DNAH6: variants seen among roughly 807,000 people sequenced by gnomAD.
DNAH6 encodes the protein dynein axonemal heavy chain 6, also known as axonemal beta dynein heavy chain 6.
Under a neutral mutation model 491.4 loss-of-function variants are expected in DNAH6, and 340 were observed. The observed-to-expected ratio is 0.69, with a 90% CI of 0.63 to 0.76. DNAH6 has a LOEUF of 0.76. DNAH6 is among the 30% of genes least tolerant of loss of function. DNAH6 has a pLI of 0.00. For synonymous variants in DNAH6, 1,603 were observed against 1,686.1 expected (o/e 0.95, Z 1.21); for missense variants, 4,443 against 4,972.2 (o/e 0.89, Z 3.20).
At chr2:84,814,992 G>A (rs995929809) in intron 75 of DNAH6, among the ~76,000 whole-genome samples, 21 of 152,228 alleles carry the variant, frequency 1.4e-4, no homozygotes, top group African/African-American at 5.1e-4. Context: ...TTGCAAACAG[G>A]CAAGACCACT....
At chr2:84,733,418 A>G (rs371071616) in intron 61 of DNAH6, 26 bp from the exon 62 acceptor site, 77 of 1,543,918 alleles carry the variant, frequency 5.0e-5, no homozygotes, top group Non-Finnish European at 6.4e-5. Context: ...TTTGTGAATT[A>G]TTATTCATTT....
At chr2:84,798,678 C>T (rs774934572) in intron 70 of DNAH6, among the ~76,000 whole-genome samples, 4 of 152,214 alleles carry the variant, frequency 2.6e-5, no homozygotes, top group Admixed American at 6.5e-5. Context: ...TGCCTGCTGG[C>T]CCCTCCCAAG....
chr2:84,709,931 C>T (rs148453048), intron 55 of DNAH6, among the ~76,000 whole-genome samples: 2 of 152,260 alleles, frequency 1.3e-5, no homozygotes, highest in Admixed American at 6.5e-5. Flanking sequence ...CTGGAATTTA[C>T]GGTTGACAGC....
the DNAH6 span, among the ~76,000 whole-genome samples, chr2:84,470,065 C>A: frequency 6.6e-6 from 1 of 152,166 alleles, no homozygotes; most frequent in Admixed American, 6.5e-5. Flanking sequence ...TATATGCACT[C>A]CACTTACCCA....
At chr2:84,561,772 C>G (rs1458346597) in intron 11 of DNAH6, among the ~76,000 whole-genome samples, 1 of 152,094 alleles carries the variant, frequency 6.6e-6, no homozygotes, top group African/African-American at 2.4e-5. Context: ...ATTTATGCAG[C>G]CAAAAGACAC....
At chr2:84,554,741 AGCTCTCATGCCAAGAGGCACTGG>A (rs1421583197) in intron 10 of DNAH6, among the ~76,000 whole-genome samples, 2 of 152,232 alleles carry the variant, frequency 1.3e-5, no homozygotes, top group African/African-American at 4.8e-5. Flanking sequence ...CTCGCTTAGG[AGCTCTCATGCCAAGAGGCACTGG>A]GCTCTCATGT....
intron 64 of DNAH6, among the ~76,000 whole-genome samples, chr2:84,773,721 C>T (rs1169509874): frequency 1.3e-5 from 2 of 152,032 alleles, no homozygotes; most frequent in Non-Finnish European, 1.5e-5. Flanking sequence ...ATAAGTGTTC[C>T]GTTTTCAATG....
At chr2:84,692,906 A>T (rs142859829) in intron 45 of DNAH6, among the ~76,000 whole-genome samples, 1 of 152,308 alleles carries the variant, frequency 6.6e-6, no homozygotes, top group East Asian at 1.9e-4. Flanking sequence ...TCCTTTGGGG[A>T]TAATCTATTA....
intron 49 of DNAH6, 88 bp from the exon 50 acceptor site, chr2:84,703,307 A>G: frequency 1.1e-6 from 1 of 937,128 alleles, no homozygotes; most frequent in Non-Finnish European, 1.5e-6. Flanking sequence ...TAGACGTAAA[A>G]GTCTAATACA....
the DNAH6 span, among the ~76,000 whole-genome samples, chr2:84,480,829 G>A: frequency 0.81 from 122,936 of 152,088 alleles, 52,543 homozygotes; most frequent in Non-Finnish European, 0.93. Context: ...TGAGCATGGT[G>A]ACAGGCATCT....
intron 41 of DNAH6, among the ~76,000 whole-genome samples, chr2:84,680,077 G>A (rs539774322): frequency 2.3e-4 from 35 of 152,310 alleles, no homozygotes; most frequent in African/African-American, 7.2e-4. Flanking sequence ...TACAGACCAT[G>A]TGGAGTATGT....
intron 64 of DNAH6, among the ~76,000 whole-genome samples, chr2:84,763,442 A>G (rs1674779934): frequency 6.6e-6 from 1 of 151,762 alleles, no homozygotes; most frequent in African/African-American, 2.4e-5. Context: ...GTTTTTTTTA[A>G]TGAAAGTTCA....
chr2:84,735,469 A>C (rs546776690), intron 62 of DNAH6, among the ~76,000 whole-genome samples: 1 of 152,320 alleles, frequency 6.6e-6, no homozygotes, highest in South Asian at 2.1e-4. Flanking sequence ...GAAATTTCTA[A>C]ACTGCTTTTC....
chr2:84,609,990 C>T (rs1419402643), intron 21 of DNAH6, among the ~76,000 whole-genome samples: 1 of 152,120 alleles, frequency 6.6e-6, no homozygotes, highest in East Asian at 1.9e-4. Flanking sequence ...GGAGTTCAGG[C>T]ATGGTTTAAC....
chr2:84,709,720 G>T (rs1337694068), intron 55 of DNAH6, among the ~76,000 whole-genome samples, 174 bp downstream of exon 55: 1 of 151,720 alleles, frequency 6.6e-6, no homozygotes, highest in Non-Finnish European at 1.5e-5. Flanking sequence ...TCATTTTGTG[G>T]ATGAGAAAGT....
chr2:84,718,297 C>T lies in DNAH6; in HGVS notation c.9705C>T (p.Ile3235=), dbSNP rs966417362. 2.4e-5 allele frequency: 37 copies of T among 1,550,934 alleles called. No individual in the cohort carries two copies. In the East Asian group the frequency reaches 6.8e-4, roughly 29 times the overall value. The change falls in exon 59 of 77, where the codon ATC becomes ATT. Residue 3235 remains isoleucine, a synonymous_variant. Transcript: ENST00000389394. ...CTGATAAAAACCAGTTGAAAACTAT[C>T]GAAGAGAAAATCCTGAGAATGCTCT... is the stretch of plus-strand genomic sequence containing the variant. ...INTDKNQLKT[I]EEKILRMLFT...
At position 84,815,933 on chromosome 2, in the gene DNAH6, A is replaced by G. The variant is rs989514323; in HGVS notation, c.12223A>G (p.Met4075Val). ...TGCTTCTCGATGGGATGATAAGGAG[A>G]TGGTGATAGAAGATGCATTGCCCGG... is the stretch of plus-strand genomic sequence containing the variant. ...MDASRWDDKE[M>V]VIEDALPGQM... Residue 4075 changes from methionine (M) to valine (V), a missense_variant, in exon 76 of 77, where the codon ATG (methionine) becomes GTG (valine). Met to Val is a conservative substitution (Grantham distance 21). Transcript: ENST00000389394. The G allele has an allele frequency of 6.4e-7, 1 of 1,551,578 alleles. No homozygotes were observed. Among genetic ancestry groups the G allele is most frequent in the African/African-American group, 1.4e-5 (1 of 72,956 alleles).
chr2:84,700,991 G>A, intron 48 of DNAH6, 106 bp from the exon 49 acceptor site: 4 of 1,280,328 alleles, frequency 3.1e-6, no homozygotes, highest in Non-Finnish European at 4.3e-6. Flanking sequence ...AGGTGAAGAG[G>A]GGACTGGGCA....
At chr2:84,567,134 G>A (rs1681283986) in intron 11 of DNAH6, among the ~76,000 whole-genome samples, 1 of 152,030 alleles carries the variant, frequency 6.6e-6, no homozygotes. Flanking sequence ...TAAATCTTTT[G>A]CAATGAAAAA....
Sources: allele counts gnomAD v4.1 joint callset (sites outside exome capture counted in the v4.1 genomes callset), GRCh38; gene constraint gnomAD v4.1.1; transcripts MANE v1.5; gene names NCBI Gene and HGNC (gene_info 2026-07-23, HGNC 2026-07-21).